Variants in COPS4 observed in about 807,000 individuals in gnomAD.
The protein encoded by COPS4 is COP9 signalosome complex subunit 4.
COPS4 carries 8 observed loss-of-function variants against 55.1 expected under a neutral mutation model. The ratio of observed to expected loss-of-function variants is 0.15; its 90% CI spans 0.09 to 0.26. The LOEUF is 0.26. Ranked by LOEUF, COPS4 falls within the 10% of genes least tolerant of loss-of-function variation. COPS4 has a pLI of 1.00. For synonymous variants in COPS4, 185 were observed against 165.7 expected (o/e 1.12, Z -0.90); for missense variants, 248 against 484.0 (o/e 0.51, Z 4.58).
intron 2 of COPS4, among the ~76,000 whole-genome samples, chr4:83,047,881 G>A (rs191481809): frequency 0.016 from 2,456 of 152,050 alleles, 64 homozygotes; most frequent in African/African-American, 0.055. Flanking sequence ...GGTGCCTGTA[G>A]TCCCAGCTAC....
chr4:83,051,427 T>G (rs539494904), intron 4 of COPS4, among the ~76,000 whole-genome samples: 1 of 152,244 alleles, frequency 6.6e-6, no homozygotes, highest in African/African-American at 2.4e-5. Flanking sequence ...CCTGTCTTTT[T>G]TAAAAAAGGC....
chr4:83,035,984 G>A (rs1162327069), intron 1 of COPS4: 1 of 152,394 alleles, frequency 6.6e-6, no homozygotes, highest in Non-Finnish European at 1.5e-5. Context: ...AAGTTAAAAT[G>A]TGTGACGTGC....
At chr4:83,063,534 A>C (rs558531430) in intron 7 of COPS4, among the ~76,000 whole-genome samples, 2 of 151,204 alleles carry the variant, frequency 1.3e-5, no homozygotes, top group South Asian at 4.2e-4. Context: ...CAGCCTCCCG[A>C]GTAGCTGGGA....
In COPS4 at chr4:83,072,075, G is replaced by GTTTTCT. The variant is rs370439309; in HGVS notation, c.1088-3205_1088-3200dup. Among the ~76,000 whole-genome samples, 307 of 151,804 alleles carry GTTTTCT rather than the reference G, an allele frequency of 2.0e-3. 1 individual carries two copies. The highest frequency in any genetic ancestry group is 7.1e-3 in the African/African-American group (292 of 41,398). On this transcript the variant is annotated intron_variant, in intron 9 of 9. Transcript: ENST00000264389. ...CAAATATTTTTTTCCATTCTGTCAG[G>GTTTTCT]TTTTCTTTTTCTTTTTCTTTTTGAG... is the stretch of plus-strand genomic sequence containing the variant.
rs140808741 is a variant in COPS4, at chr4:83,044,761, C to T, written c.75-865C>T. ...CTGCACTCCAGCCTGGGTGACAGAG[C>T]GAGACTCCGTCTTCAAAAACAACAA... On this transcript the variant is annotated intron_variant, in intron 1 of 9. Coordinates refer to ENST00000264389, the MANE Select transcript of COPS4 (RefSeq NM_016129.3). Among the ~76,000 whole-genome samples, 63 of 152,190 alleles carry T rather than the reference C, an allele frequency of 4.1e-4. No homozygotes were observed. In the East Asian group the frequency reaches 0.012, roughly 29 times the overall value.
At chr4:83,053,142 G>A (rs1295772315) in intron 4 of COPS4, among the ~76,000 whole-genome samples, 7 of 152,270 alleles carry the variant, frequency 4.6e-5, no homozygotes, top group East Asian at 1.9e-4. Context: ...CAGTCCCAGC[G>A]GAGGTGGGAG....
At chr4:83,046,708 A>G (rs912055139) in intron 2 of COPS4, among the ~76,000 whole-genome samples, 1 of 152,226 alleles carries the variant, frequency 6.6e-6, no homozygotes, top group African/African-American at 2.4e-5. Flanking sequence ...TAGTGAGTTC[A>G]CATCATTAAT....
At chr4:83,049,030 A>G (rs1019217381) in intron 2 of COPS4, 136 bp from the exon 3 acceptor site, 4 of 722,542 alleles carry the variant, frequency 5.5e-6, no homozygotes, top group Admixed American at 3.4e-5. Flanking sequence ...TGATAGGGGT[A>G]TGGAAATCCT....
At chr4:83,066,096 G>A (rs148229963) in intron 7 of COPS4, among the ~76,000 whole-genome samples, 2,107 of 152,228 alleles carry the variant, frequency 0.014, 30 homozygotes, top group Middle Eastern at 0.037. Flanking sequence ...AGGTTGCAGT[G>A]AGCAGAGATT....
At chr4:83,066,595 A>T in intron 8 of COPS4, 42 bp downstream of exon 8, 1 of 880,980 alleles carries the variant, frequency 1.1e-6, no homozygotes, top group Non-Finnish European at 1.8e-6. Flanking sequence ...AAGTTAAGAG[A>T]TGAAACTATT....
rs1578721493 is a variant in COPS4 at position 83,068,377 on chromosome 4, TC to T, written c.1003-60del. On this transcript the variant is annotated intron_variant, in intron 8 of 9. Coordinates refer to ENST00000264389, the MANE Select transcript of COPS4 (RefSeq NM_016129.3). The stretch of plus-strand genomic sequence containing the variant: ...AAACCAGAAGCTTTCTGTTCTCTTT[TC>T]ATATGTGAATAACTAAAAGATATGA... 8.7e-6 allele frequency: 10 copies of T among 1,145,704 alleles called. No individual in the cohort carries two copies. In the East Asian group the frequency reaches 1.9e-4, roughly 22 times the overall value. 71.0% of individuals were successfully genotyped at this position (1,145,704 alleles called of 1,614,324 possible). A position where few individuals can be genotyped will look rare whatever the true frequency, so the allele number is the denominator to read the frequency against.
rs972539476 is a variant in COPS4 at position 83,068,361 on chromosome 4, G to A, written c.1003-77G>A. On this transcript the variant is annotated intron_variant, in intron 8 of 9. Coordinates refer to ENST00000264389, the MANE Select transcript of COPS4 (RefSeq NM_016129.3). ...TTTAGTGATGGTAGTTAAACCAGAAGCTTTCTGTTCTCTTTTCATATGTGA... is the reference window on the plus strand; with the variant it reads ...TTTAGTGATGGTAGTTAAACCAGAAACTTTCTGTTCTCTTTTCATATGTGA... The A allele has an allele frequency of 1.1e-5, 10 of 932,698 alleles. No individual in the cohort carries two copies. In the African/African-American group the frequency reaches 1.2e-4, roughly 11 times the overall value. The allele number at this position is 932,698 out of a possible 1,614,324, so 57.8% of individuals were successfully genotyped here.
At chr4:83,047,556 AC>A (rs1334158946) in intron 2 of COPS4, among the ~76,000 whole-genome samples, 1 of 152,132 alleles carries the variant, frequency 6.6e-6, no homozygotes, top group Non-Finnish European at 1.5e-5. Context: ...TCTCAAAAAA[AC>A]AATTAAAAAA....
intron 1 of COPS4, 113 bp from the exon 2 acceptor site, chr4:83,045,513 C>T: frequency 4.0e-6 from 3 of 758,776 alleles, no homozygotes; most frequent in South Asian, 3.7e-5. Context: ...AAACCACAAA[C>T]TATAGTACTA....
intron 9 of COPS4, among the ~76,000 whole-genome samples, 199 bp from the exon 10 acceptor site, chr4:83,075,098 C>A (rs1227863314): frequency 6.6e-6 from 1 of 152,028 alleles, no homozygotes; most frequent in Admixed American, 6.6e-5. Flanking sequence ...GCCTGAGTGA[C>A]AGAGCAAGAC....
At chr4:83,050,253 A>G (rs935678721) in intron 4 of COPS4, among the ~76,000 whole-genome samples, 1 of 152,116 alleles carries the variant, frequency 6.6e-6, no homozygotes, top group Non-Finnish European at 1.5e-5. Context: ...AGTAGCTAAG[A>G]GTGATCTGAG....
intron 4 of COPS4, among the ~76,000 whole-genome samples, chr4:83,050,335 T>G (rs1233310199): frequency 6.6e-6 from 1 of 152,102 alleles, no homozygotes; most frequent in Admixed American, 6.6e-5. Context: ...TTTTGCTCTG[T>G]TGCCCAGGCT....
intron 1 of COPS4, among the ~76,000 whole-genome samples, chr4:83,040,433 G>A (rs1269274047): frequency 1.3e-5 from 2 of 152,204 alleles, no homozygotes; most frequent in African/African-American, 2.4e-5. Flanking sequence ...GTTTACCTGG[G>A]TGGTCTTGGG....
intron 1 of COPS4, 98 bp downstream of exon 1, chr4:83,035,396 G>T: frequency 1.9e-6 from 2 of 1,050,888 alleles, no homozygotes; most frequent in South Asian, 2.7e-5. Context: ...CGTGAAGCTA[G>T]GAGCCGGCCT....
Sources: allele counts gnomAD v4.1 joint callset (sites outside exome capture counted in the v4.1 genomes callset), GRCh38; gene constraint gnomAD v4.1.1; transcripts MANE v1.5; gene names NCBI Gene and HGNC (gene_info 2026-07-23, HGNC 2026-07-21).